The following GGA3 variants were observed in gnomAD, a reference collection of about 807,000 sequenced individuals.
GGA3 encodes golgi associated, gamma adaptin ear containing, ARF binding protein 3, also known as ADP-ribosylation factor-binding protein GGA3.
Under a neutral mutation model 77.5 loss-of-function variants are expected in GGA3, and 57 were observed. The observed-to-expected ratio is 0.74, with a 90% CI of 0.59 to 0.92. The LOEUF (loss-of-function observed/expected upper bound fraction) is 0.92, where lower values mean the gene tolerates loss of function less well. GGA3 is among the 40% of genes least tolerant of loss of function. The probability of loss-of-function intolerance (pLI) is 0.00; values close to 1 mark genes in which losing one functional copy is unlikely to be tolerated. For missense variants in GGA3, 970 were observed against 914.9 expected, an observed-to-expected ratio of 1.06 and a Z score of -0.78; for synonymous variants, 416 against 383.7, an observed-to-expected ratio of 1.08 and a Z score of -0.98.
rs2076344347 is a variant in GGA3 at position 75,237,073 on chromosome 17, G to T, written c.*1206C>A. ...AGCTTCCCCCGTGTCTATGGCAGCT[G>T]GTGATTTTTTTTTTGTGACGGAGGC... On this transcript the variant is annotated 3_prime_UTR_variant, in exon 17 of 17. Coordinates refer to ENST00000537686, the MANE Select transcript of GGA3 (RefSeq NM_138619.4). 4.3e-6 allele frequency: 1 copy of T among 232,094 alleles called. No individual in the cohort carries two copies. Among genetic ancestry groups the T allele is most frequent in the Non-Finnish European group, 8.5e-6 (1 of 117,276 alleles). The allele number at this position is 232,094 out of a possible 1,614,324, so 14.4% of individuals were successfully genotyped here.
At position 75,241,820 on chromosome 17, in the gene GGA3, G is replaced by A. The variant is rs2076570213; in HGVS notation, c.748-124C>T. On this transcript the variant is annotated intron_variant, in intron 8 of 16. Transcript: ENST00000537686. Reference sequence around the variant, plus strand: ...ATTGCCACGGTCAATTACCAGCAAAGCTGGGATCACAGCGCACGTCTTCTT... The same window carrying A: ...ATTGCCACGGTCAATTACCAGCAAAACTGGGATCACAGCGCACGTCTTCTT... 11 of 827,540 alleles carry A rather than the reference G, an allele frequency of 1.3e-5. No homozygotes were observed. In the South Asian group the frequency reaches 1.4e-4, roughly 11 times the overall value. 51.3% of individuals were successfully genotyped at this position (827,540 alleles called of 1,614,324 possible).
In GGA3 at chr17:75,242,830, C is replaced by A. The variant is rs2076610611; in HGVS notation, c.609+1G>T. The A allele has an allele frequency of 6.2e-7, 1 of 1,612,196 alleles. No homozygotes were observed. Among genetic ancestry groups the A allele is most frequent in the African/African-American group, 1.3e-5 (1 of 74,924 alleles). ...TGCCTGAAGGACCGGGGCCCACTCA[C>A]TTCCTTCACCATGGACTTGATGAGC... is the stretch of plus-strand genomic sequence containing the variant. On this transcript the variant is annotated splice_donor_variant, in intron 7 of 16. Coordinates refer to ENST00000537686, the MANE Select transcript of GGA3 (RefSeq NM_138619.4). LOFTEE classifies it high-confidence loss of function.
intron 1 of GGA3, among the ~76,000 whole-genome samples, chr17:75,255,567 A>T (rs895533381): frequency 6.6e-6 from 1 of 152,128 alleles, no homozygotes; most frequent in African/African-American, 2.4e-5. Flanking sequence ...CCAATATCCC[A>T]TCCCACAGTA....
At position 75,242,857 on chromosome 17, in the gene GGA3, T is replaced by G; in HGVS notation, c.583A>C (p.Lys195Gln). Residue 195 changes from lysine to glutamine, a missense_variant, in exon 7 of 17, where the codon AAG becomes CAG. Coordinates refer to ENST00000537686, the MANE Select transcript of GGA3 (RefSeq NM_138619.4). The stretch of plus-strand genomic sequence containing the variant: ...TCCTTCACCATGGACTTGATGAGCT[T>G]GTTGGCCTCCTGCAGGTCATCTGGG... ...KNPDDLQEAN[K>Q]LIKSMVKEDE... 6.2e-7 allele frequency: 1 copy of G among 1,614,006 alleles called. No individual in the cohort carries two copies. The highest frequency in any genetic ancestry group is 8.5e-7 in the Non-Finnish European group (1 of 1,179,848).
At position 75,239,889 on chromosome 17, in the gene GGA3, TTGGGGCCAAGGC is replaced by T; in HGVS notation, c.1471_1482del (p.Ala491_Pro494del). On this transcript the variant is annotated inframe_deletion, in exon 13 of 17. Transcript: ENST00000537686. ...TGCCCAGGGACTGCGGGCTCAACTT[TTGGGGCCAAGGC>T]TGGGGCCACTCCAGTAGAAAACAAG... 1 of 1,613,752 alleles carries T rather than the reference TTGGGGCCAAGGC, an allele frequency of 6.2e-7. No homozygotes were observed. Among genetic ancestry groups the T allele is most frequent in the Non-Finnish European group, 8.5e-7 (1 of 1,179,884 alleles).
At chr17:75,253,693 C>T (rs2077048297) in intron 1 of GGA3, among the ~76,000 whole-genome samples, 1 of 152,252 alleles carries the variant, frequency 6.6e-6, no homozygotes, top group Non-Finnish European at 1.5e-5. Context: ...ATCTGTGTGC[C>T]CCAATCCCTT....
upstream of GGA3, chr17:75,261,676 A>G: frequency 3.8e-6 from 5 of 1,320,272 alleles, no homozygotes; most frequent in South Asian, 7.4e-5. Context: ...TCCTGAGAGG[A>G]GTGAGTGCCG....
intron 10 of GGA3, 52 bp downstream of exon 10, chr17:75,241,348 G>A: frequency 1.7e-6 from 2 of 1,155,938 alleles, no homozygotes; most frequent in Non-Finnish European, 1.3e-6. Context: ...TTCATGATAG[G>A]GGCCTGAGGC....
intron 1 of GGA3, among the ~76,000 whole-genome samples, chr17:75,254,717 TTC>T (rs1179382182): frequency 2.6e-5 from 4 of 152,114 alleles, no homozygotes; most frequent in African/African-American, 9.7e-5. Context: ...AACAACATAT[TTC>T]TGAGTTGCAA....
chr17:75,237,526 CCTGCTTCT>C lies in GGA3; in HGVS notation c.*745_*752del. On this transcript the variant is annotated 3_prime_UTR_variant, in exon 17 of 17. Transcript: ENST00000537686. Reference sequence around the variant, plus strand: ...CACGCTTTTCCCAGAAAGCTGAGTACCTGCTTCTGGAGAAGGGGAAATACTGGCTCTCT... The same window carrying C: ...CACGCTTTTCCCAGAAAGCTGAGTACGGAGAAGGGGAAATACTGGCTCTCT... 1 of 1,535,892 alleles carries C rather than the reference CCTGCTTCT, an allele frequency of 6.5e-7. No individual in the cohort carries two copies.
rs530006361 is a variant in GGA3, at chr17:75,239,259, G to A, written c.1780+116C>T. On this transcript the variant is annotated intron_variant, in intron 14 of 16. Coordinates refer to ENST00000537686, the MANE Select transcript of GGA3 (RefSeq NM_138619.4). The stretch of plus-strand genomic sequence containing the variant: ...ACTGAGAATGCAGGCAGGGAGGCCT[G>A]CCTGGCTTTAAGGGACCCCCTGCAA... The A allele has an allele frequency of 1.6e-4, 162 of 1,033,356 alleles. 1 individual carries two copies. The highest frequency in any genetic ancestry group is 1.0e-3 in the Admixed American group (38 of 36,434). The allele number at this position is 1,033,356 out of a possible 1,614,324, so 64.0% of individuals were successfully genotyped here. A position where few individuals can be genotyped will look rare whatever the true frequency, so the allele number is the denominator to read the frequency against.
intron 8 of GGA3, 24 bp from the exon 9 acceptor site, chr17:75,241,720 A>C: frequency 1.3e-6 from 2 of 1,599,066 alleles, no homozygotes; most frequent in Non-Finnish European, 1.7e-6. Context: ...GGACATAAAA[A>C]TCAAACCACA....
chr17:75,245,231 T>C (rs911553750), intron 3 of GGA3, among the ~76,000 whole-genome samples: 1 of 152,250 alleles, frequency 6.6e-6, no homozygotes, highest in Admixed American at 6.5e-5. Context: ...CTGTGCTGCC[T>C]GTGGTCCCTG....
chr17:75,254,989 T>G (rs945609525), intron 1 of GGA3, among the ~76,000 whole-genome samples: 7 of 152,214 alleles, frequency 4.6e-5, no homozygotes, highest in Admixed American at 4.6e-4. Context: ...CCCCTGGAAC[T>G]CTGGCCCAAG....
chr17:75,251,052 G>C (rs1370876685), intron 1 of GGA3, among the ~76,000 whole-genome samples: 1 of 152,090 alleles, frequency 6.6e-6, no homozygotes, highest in Non-Finnish European at 1.5e-5. Context: ...TTGCACTCCA[G>C]CCTGGGCCAC....
chr17:75,237,934 C>T lies in GGA3; in HGVS notation c.*345G>A, dbSNP rs1475318548. 17 of 655,638 alleles carry T rather than the reference C, an allele frequency of 2.6e-5. No homozygotes were observed. In the Middle Eastern group the frequency reaches 1.7e-3, roughly 65 times the overall value. 40.6% of individuals were successfully genotyped at this position (655,638 alleles called of 1,614,324 possible). ...TTAGAGACTCCCACCCCCCACCCCC[C>T]ACCCCAGTGGCTTCAGTGAATGCCA... On this transcript the variant is annotated 3_prime_UTR_variant, in exon 17 of 17. Coordinates refer to ENST00000537686, the MANE Select transcript of GGA3 (RefSeq NM_138619.4).
chr17:75,241,389 G>A lies in GGA3; in HGVS notation c.946+11C>T, dbSNP rs1385985390. On this transcript the variant is annotated intron_variant, in intron 10 of 16. Transcript: ENST00000537686. ...TGGAGGAGCCTAGAGTTGGGGACCA[G>A]AGCATCTCACCTTCCGAGTCAGGCA... is the stretch of plus-strand genomic sequence containing the variant. 6.5e-7 allele frequency: 1 copy of A among 1,538,454 alleles called. No homozygotes were observed.
intron 16 of GGA3, 30 bp downstream of exon 16, chr17:75,238,622 G>T: frequency 1.3e-6 from 2 of 1,502,166 alleles, no homozygotes; most frequent in Non-Finnish European, 1.8e-6. Flanking sequence ...GGGGCCTCAG[G>T]CTGGGACCCC....
chr17:75,252,529 T>TTTA (rs150038617), intron 1 of GGA3, among the ~76,000 whole-genome samples: 19 of 152,198 alleles, frequency 1.2e-4, no homozygotes, highest in Non-Finnish European at 2.1e-4. Flanking sequence ...TCTTCTTAAA[T>TTTA]CCCTTCCTTC....
Sources: gnomAD v4.1 joint callset for allele counts (sites outside exome capture counted in the v4.1 genomes callset) on GRCh38, gnomAD v4.1.1 for gene constraint, MANE v1.5 for transcripts, NCBI Gene and HGNC (gene_info 2026-07-23, HGNC 2026-07-21) for gene names.